Variants in UGT2B17 observed in about 807,000 individuals in gnomAD.
UGT2B17 encodes UDP glucuronosyltransferase family 2 member B17.
Under a neutral mutation model 48.2 loss-of-function variants are expected in UGT2B17, and 21 were observed. The ratio of observed to expected loss-of-function variants is 0.44; its 90% confidence interval spans 0.31 to 0.63. The LOEUF (loss-of-function observed/expected upper bound fraction) is 0.63, where lower values mean the gene tolerates loss of function less well. UGT2B17 is among the 20% of genes least tolerant of loss of function. UGT2B17 has a pLI of 0.08. For missense variants in UGT2B17, 402 were observed against 696.1 expected, an observed-to-expected ratio of 0.58 and a Z score of 4.75; for synonymous variants, 146 against 238.4, an observed-to-expected ratio of 0.61 and a Z score of 3.57.
At position 68,537,870 on chromosome 4, in the gene UGT2B17, G is replaced by A. The variant is rs72551385; in HGVS notation, c.1348C>T (p.His450Tyr). ...KENIMKLSRI[H>Y]HDQPVKPLDR... ...AGGGGCTTCACCGGTTGATCATGATGAATTCTTGATAATTTCATGATATTC... is the reference window on the plus strand; with the variant it reads ...AGGGGCTTCACCGGTTGATCATGATAAATTCTTGATAATTTCATGATATTC... Residue 450 changes from histidine (H) to tyrosine (Y), a missense_variant, in exon 7 of 7, where the codon CAT (histidine) becomes TAT (tyrosine). His to Tyr is a moderately conservative substitution (Grantham distance 83). Transcript: ENST00000317746. 2.5e-3 allele frequency: 3,413 copies of A among 1,371,496 alleles called. 718 individuals carry two copies. The African/African-American group carries it at 0.045, about 18-fold the overall frequency. 85.0% of individuals were successfully genotyped at this position (1,371,496 alleles called of 1,614,324 possible). A position where few individuals can be genotyped will look rare whatever the true frequency, so the allele number is the denominator to read the frequency against.
At chr4:68,541,122 C>G (rs1578162871) in intron 6 of UGT2B17, among the ~76,000 whole-genome samples, 1 of 125,742 alleles carries the variant, frequency 8.0e-6, no homozygotes, top group Non-Finnish European at 1.7e-5. Context: ...GTGCATGTGT[C>G]TTTACAGTAG....
chr4:68,565,203 T>A lies in UGT2B17; in HGVS notation c.873+369A>T, dbSNP rs540485737. Among the ~76,000 whole-genome samples the A allele has an allele frequency of 1.0e-3, 128 of 126,136 alleles. 26 individuals carry two copies. Among genetic ancestry groups the A allele is most frequent in the African/African-American group, 1.5e-3 (56 of 36,920 alleles). The allele number at this position is 126,136 out of a possible 152,430, so 82.8% of individuals were successfully genotyped here. ...TATTCTATCTTTCAAAGTACAATGTTAGGCATGAGGGCGCAGAAACTGTGC... is the reference window on the plus strand; with the variant it reads ...TATTCTATCTTTCAAAGTACAATGTAAGGCATGAGGGCGCAGAAACTGTGC... On this transcript the variant is annotated intron_variant, in intron 3 of 6. Coordinates refer to ENST00000317746, the MANE Select transcript of UGT2B17 (RefSeq NM_001077.4).
chr4:68,543,419 A>C lies in UGT2B17; in HGVS notation c.1314-5515T>G, dbSNP rs1730722773. 1.6e-5 allele frequency among the ~76,000 whole-genome samples: 2 copies of C among 125,770 alleles called. 1 individual carries two copies. Among genetic ancestry groups the C allele is most frequent in the Non-Finnish European group, 3.4e-5 (2 of 59,404 alleles). The allele number at this position is 125,770 out of a possible 152,430, so 82.5% of individuals were successfully genotyped here. A position where few individuals can be genotyped will look rare whatever the true frequency, so the allele number is the denominator to read the frequency against. On this transcript the variant is annotated intron_variant, in intron 6 of 6. Coordinates refer to ENST00000317746, the MANE Select transcript of UGT2B17 (RefSeq NM_001077.4). Reference sequence around the variant, plus strand: ...ACTAACAAACGGAAAGGACATCCACACCAAAACCCATTTCTACATCGCCAT... The same window carrying C: ...ACTAACAAACGGAAAGGACATCCACCCCAAAACCCATTTCTACATCGCCAT...
At chr4:68,567,700 C>A in intron 2 of UGT2B17, 61 bp downstream of exon 2, 1 of 1,123,786 alleles carries the variant, frequency 8.9e-7, no homozygotes, top group Non-Finnish European at 1.1e-6. Context: ...TTATATAAGC[C>A]CACCTTCAAA....
chr4:68,570,267 T>C (rs1000165226), intron 1 of UGT2B17, among the ~76,000 whole-genome samples: 1 of 126,782 alleles, frequency 7.9e-6, no homozygotes, highest in African/African-American at 2.7e-5. Flanking sequence ...AAGCAAGCAG[T>C]GGGTATGTGA....
At position 68,539,469 on chromosome 4, in the gene UGT2B17, G is replaced by A. The variant is rs1345520130; in HGVS notation, c.1314-1565C>T. Reference sequence around the variant, plus strand: ...ATTTTTTGATCTTACTAATAATTATGGTATTAAGATATTTATATATTTTAT... The same window carrying A: ...ATTTTTTGATCTTACTAATAATTATAGTATTAAGATATTTATATATTTTAT... On this transcript the variant is annotated intron_variant, in intron 6 of 6. Coordinates refer to ENST00000317746, the MANE Select transcript of UGT2B17 (RefSeq NM_001077.4). 7.3e-5 allele frequency among the ~76,000 whole-genome samples: 9 copies of A among 123,582 alleles called. 4 individuals carry two copies. Among genetic ancestry groups the A allele is most frequent in the Non-Finnish European group, 1.5e-4 (9 of 58,874 alleles). 81.1% of individuals were successfully genotyped at this position (123,582 alleles called of 152,430 possible).
chr4:68,564,294 A>ATTTTTTTTT (rs1182011820), intron 3 of UGT2B17, among the ~76,000 whole-genome samples: 5 of 75,786 alleles, frequency 6.6e-5, no homozygotes, highest in African/African-American at 2.5e-4. Context: ...ATATATATAT[A>ATTTTTTTTT]TTTTTTTTTT....
chr4:68,538,042 T>C, intron 6 of UGT2B17, 138 bp from the exon 7 acceptor site: 1 of 645,364 alleles, frequency 1.5e-6, no homozygotes, highest in Non-Finnish European at 2.1e-6. Flanking sequence ...AATATTAATG[T>C]TTTAATGTAT....
In UGT2B17 at chr4:68,565,617, A is replaced by T; in HGVS notation, c.828T>A (p.Asp276Glu). 1 of 1,371,640 alleles carries T rather than the reference A, an allele frequency of 7.3e-7. No individual in the cohort carries two copies. The highest frequency in any genetic ancestry group is 9.5e-7 in the Non-Finnish European group (1 of 1,051,394). The allele number at this position is 1,371,640 out of a possible 1,614,324, so 85.0% of individuals were successfully genotyped here. The change falls in exon 3 of 7, where the codon GAT (aspartate) becomes GAA (glutamate). Residue 276 changes from aspartate to glutamate, a missense_variant. This residue lies in a region of UGT2B17 where 106 missense variants were observed against 169.8 expected (regional missense o/e 0.62). Coordinates refer to ENST00000317746, the MANE Select transcript of UGT2B17 (RefSeq NM_001077.4). ...GTTTACAGTGAAGTCCTCCAACAAA[A>T]TCAACATTTGGTAAGAATGGGCGAG... ...EFPRPFLPNV[D>E]FVGGLHCKPA...
At chr4:68,544,179 A>T (rs1730746401) in intron 6 of UGT2B17, among the ~76,000 whole-genome samples, 1 of 126,212 alleles carries the variant, frequency 7.9e-6, no homozygotes, top group South Asian at 3.6e-4. Flanking sequence ...GTGCAGCAAG[A>T]GAGAAAGGTC....
intron 1 of UGT2B17, among the ~76,000 whole-genome samples, chr4:68,569,919 G>T (rs1731273169): frequency 7.9e-6 from 1 of 126,090 alleles, no homozygotes; most frequent in African/African-American, 2.7e-5. Flanking sequence ...ATGCTCTCAG[G>T]GATCAAACCA....
Position 68,562,101 on chromosome 4 carries a change from T to TTTTTA in UGT2B17, c.874-1438_874-1434dup, listed in dbSNP as rs1240426898. Among the ~76,000 whole-genome samples, 2 of 125,488 alleles carry TTTTTA rather than the reference T, an allele frequency of 1.6e-5. 1 individual carries two copies. Among genetic ancestry groups the TTTTTA allele is most frequent in the Non-Finnish European group, 3.4e-5 (2 of 59,454 alleles). The allele number at this position is 125,488 out of a possible 152,430, so 82.3% of individuals were successfully genotyped here. On this transcript the variant is annotated intron_variant, in intron 3 of 6. Coordinates refer to ENST00000317746, the MANE Select transcript of UGT2B17 (RefSeq NM_001077.4). Reference sequence around the variant, plus strand: ...TAATTGAACTTTATGACATCTTTTATTTTTATTTTATTTTATTTATTTATT... The same window carrying TTTTTA: ...TAATTGAACTTTATGACATCTTTTATTTTTATTTTATTTTATTTTATTTATTTATT...
At position 68,554,124 on chromosome 4, in the gene UGT2B17, G is replaced by A. The variant is rs1245601758; in HGVS notation, c.1006-2213C>T. Among the ~76,000 whole-genome samples, 38 of 125,850 alleles carry A rather than the reference G, an allele frequency of 3.0e-4. 7 individuals are homozygous for A. Among genetic ancestry groups the A allele is most frequent in the African/African-American group, 7.6e-4 (28 of 36,880 alleles). 82.6% of individuals were successfully genotyped at this position (125,850 alleles called of 152,430 possible). On this transcript the variant is annotated intron_variant, in intron 4 of 6. Coordinates refer to ENST00000317746, the MANE Select transcript of UGT2B17 (RefSeq NM_001077.4). Reference sequence around the variant, plus strand: ...CCTCTGGAGGGAGAAACTGAGACACGTAAGAGGGTGGAAACAACTCAGTGG... The same window carrying A: ...CCTCTGGAGGGAGAAACTGAGACACATAAGAGGGTGGAAACAACTCAGTGG...
In UGT2B17 at chr4:68,569,734, C is replaced by A. The variant is rs1731270163; in HGVS notation, c.-64-1186G>T. Among the ~76,000 whole-genome samples the A allele has an allele frequency of 2.4e-5, 3 of 125,952 alleles. 1 individual carries two copies. The highest frequency in any genetic ancestry group is 3.4e-5 in the Non-Finnish European group (2 of 59,438). The allele number at this position is 125,952 out of a possible 152,430, so 82.6% of individuals were successfully genotyped here. On this transcript the variant is annotated intron_variant, in intron 1 of 6. Transcript: ENST00000317746. ...GAACCCTTGAAGATCAAGAGGCCATCCAGATACTACATAGCAGTCACGTTA... is the reference window on the plus strand; with the variant it reads ...GAACCCTTGAAGATCAAGAGGCCATACAGATACTACATAGCAGTCACGTTA...
rs1344844449 is a variant in UGT2B17, at chr4:68,538,798, CT to C, written c.1314-895del. Among the ~76,000 whole-genome samples, 83 of 126,416 alleles carry C rather than the reference CT, an allele frequency of 6.6e-4. 18 individuals carry two copies. The highest frequency in any genetic ancestry group is 2.2e-3 in the African/African-American group (83 of 37,052). The allele number at this position is 126,416 out of a possible 152,430, so 82.9% of individuals were successfully genotyped here. A position where few individuals can be genotyped will look rare whatever the true frequency, so the allele number is the denominator to read the frequency against. ...ACCTACTTGTCCTAACCCTTTCCCC[CT>C]GTACACTTTCTTCTAGAGACAATGG... On this transcript the variant is annotated intron_variant, in intron 6 of 6. Transcript: ENST00000317746.
rs1731139562 is a variant in UGT2B17, at chr4:68,563,500, C to T, written c.873+2072G>A. On this transcript the variant is annotated intron_variant, in intron 3 of 6. Transcript: ENST00000317746. ...TGGTGGGTGCCTGTAATCCCAGCTA[C>T]TTGGGAGTCTGAGGCAGGAGAATCA... Among the ~76,000 whole-genome samples, 3 of 126,484 alleles carry T rather than the reference C, an allele frequency of 2.4e-5. 1 individual carries two copies. The highest frequency in any genetic ancestry group is 5.4e-5 in the African/African-American group (2 of 37,032). 83.0% of individuals were successfully genotyped at this position (126,484 alleles called of 152,430 possible).
chr4:68,559,078 T>C (rs1455459906), intron 4 of UGT2B17, among the ~76,000 whole-genome samples: 1 of 125,758 alleles, frequency 8.0e-6, no homozygotes. Flanking sequence ...CCTATATATT[T>C]ATTTTATATA....
rs1179097398 is a variant in UGT2B17 at position 68,544,869 on chromosome 4, T to C, written c.1313+5808A>G. Among the ~76,000 whole-genome samples the C allele has an allele frequency of 1.6e-5, 2 of 125,806 alleles. 1 individual carries two copies. The highest frequency in any genetic ancestry group is 5.4e-5 in the African/African-American group (2 of 36,832). The allele number at this position is 125,806 out of a possible 152,430, so 82.5% of individuals were successfully genotyped here. On this transcript the variant is annotated intron_variant, in intron 6 of 6. Coordinates refer to ENST00000317746, the MANE Select transcript of UGT2B17 (RefSeq NM_001077.4). ...AGGCCATTACATAATGGTAAAGGGA[T>C]CAATTCAACAAGAAGAGCTAACTAT...
chr4:68,566,446 G>T lies in UGT2B17; in HGVS notation c.725-726C>A, dbSNP rs1391537005. ...CATAATCCCCATGTGTCGAGGGAGG[G>T]ACCCAGTGGCAGGTGATTGGATCAT... On this transcript the variant is annotated intron_variant, in intron 2 of 6. Transcript: ENST00000317746. Among the ~76,000 whole-genome samples, 3 of 120,544 alleles carry T rather than the reference G, an allele frequency of 2.5e-5. 1 individual carries two copies. The highest frequency in any genetic ancestry group is 8.6e-5 in the African/African-American group (3 of 34,932). The allele number at this position is 120,544 out of a possible 152,430, so 79.1% of individuals were successfully genotyped here. A position where few individuals can be genotyped will look rare whatever the true frequency, so the allele number is the denominator to read the frequency against.
Sources: allele counts gnomAD v4.1 joint callset (sites outside exome capture counted in the v4.1 genomes callset), GRCh38; gene constraint gnomAD v4.1.1; regional missense constraint gnomAD v4.1.1; transcripts MANE v1.5; gene names NCBI Gene and HGNC (gene_info 2026-07-23, HGNC 2026-07-21).